TMC1: variants seen among roughly 807,000 people sequenced by gnomAD.
TMC1 encodes the protein transmembrane channel like 1, also known as transmembrane channel-like protein 1.
A neutral mutation model predicts 105.8 loss-of-function variants in TMC1; 84 were observed. The observed-to-expected ratio is 0.79, with a 90% CI of 0.67 to 0.95. The LOEUF (loss-of-function observed/expected upper bound fraction) is 0.95, where lower values mean the gene tolerates loss of function less well. Among genes scored for constraint, TMC1 ranks in the 40% least tolerant of loss-of-function variants. The pLI is 0.00. For synonymous variants in TMC1, 315 were observed against 311.5 expected, an observed-to-expected ratio of 1.01 and a Z score of -0.12; for missense variants, 817 against 914.1, an observed-to-expected ratio of 0.89 and a Z score of 1.37.
At chr9:72,539,090 T>G (rs1296699441) in intron 1 of TMC1, among the ~76,000 whole-genome samples, 1 of 106,626 alleles carries the variant, frequency 9.4e-6, no homozygotes, top group African/African-American at 4.8e-5. Context: ...GCTTAGAAAT[T>G]TCTTCTGCTG....
chr9:72,654,910 C>A (rs139681675), intron 5 of TMC1, among the ~76,000 whole-genome samples: 1 of 151,938 alleles, frequency 6.6e-6, no homozygotes, highest in East Asian at 1.9e-4. Context: ...ATTATCTGAA[C>A]TTCTGTATGT....
At chr9:72,819,893 G>T (rs1239424777) in intron 19 of TMC1, among the ~76,000 whole-genome samples, 1 of 152,084 alleles carries the variant, frequency 6.6e-6, no homozygotes, top group Non-Finnish European at 1.5e-5. Flanking sequence ...ATAATAAATT[G>T]CTATTTATAT....
intron 20 of TMC1, among the ~76,000 whole-genome samples, chr9:72,822,883 C>T (rs1370408253): frequency 2.0e-5 from 3 of 152,154 alleles, no homozygotes; most frequent in Non-Finnish European, 2.9e-5. Context: ...ATTTACAATA[C>T]GTCTTAGACA....
chr9:72,557,001 TG>T (rs1823952869), intron 1 of TMC1, among the ~76,000 whole-genome samples: 1 of 152,156 alleles, frequency 6.6e-6, no homozygotes, highest in African/African-American at 2.4e-5. Context: ...CATCCTGCAG[TG>T]CACAGGACAG....
chr9:72,620,145 T>A (rs1564449307), intron 3 of TMC1, among the ~76,000 whole-genome samples: 2 of 152,098 alleles, frequency 1.3e-5, no homozygotes, highest in Non-Finnish European at 2.9e-5. Flanking sequence ...ATTTAAAAAA[T>A]TTTTAAGTCA....
chr9:72,544,030 C>A (rs1391783896), intron 1 of TMC1, among the ~76,000 whole-genome samples: 1 of 148,608 alleles, frequency 6.7e-6, no homozygotes, highest in Non-Finnish European at 1.5e-5. Flanking sequence ...TGGCTCACTG[C>A]AACCTCTGCC....
At chr9:72,615,753 A>ATT (rs35200835) in intron 2 of TMC1, among the ~76,000 whole-genome samples, 376 of 139,120 alleles carry the variant, frequency 2.7e-3, no homozygotes, top group African/African-American at 7.7e-3. Context: ...CACCTTTCTT[A>ATT]TTTTTTTTTT....
In TMC1 at chr9:72,801,439, C is replaced by T. The variant is rs1358487682; in HGVS notation, c.1567-3943C>T. ...TCAAGATCTCTGAGAAAGTCAATGA[C>T]AGGAGCCCCAGTTCAGCCTACATAG... is the stretch of plus-strand genomic sequence containing the variant. On this transcript the variant is annotated intron_variant, in intron 17 of 23. Transcript: ENST00000297784. Among the ~76,000 whole-genome samples the T allele has an allele frequency of 2.6e-5, 4 of 152,294 alleles. No homozygotes were observed. The East Asian group carries it at 7.7e-4, about 29-fold the overall frequency.
intron 21 of TMC1, among the ~76,000 whole-genome samples, chr9:72,827,527 G>C (rs2118321214): frequency 6.6e-6 from 1 of 152,324 alleles, no homozygotes; most frequent in South Asian, 2.1e-4. Context: ...TAGAATCAGA[G>C]GACCAGAGGA....
chr9:72,731,090 T>C (rs1360908856), intron 8 of TMC1, among the ~76,000 whole-genome samples: 1 of 152,270 alleles, frequency 6.6e-6, no homozygotes, highest in African/African-American at 2.4e-5. Context: ...AATTCACATC[T>C]ATGCCAGGTG....
chr9:72,682,128 T>G (rs1260892503), intron 5 of TMC1, among the ~76,000 whole-genome samples: 2 of 152,168 alleles, frequency 1.3e-5, no homozygotes, highest in African/African-American at 2.4e-5. Flanking sequence ...AAAATAACTA[T>G]TTAGTATCTC....
chr9:72,755,823 A>C (rs1487584939), intron 12 of TMC1, among the ~76,000 whole-genome samples: 1 of 152,234 alleles, frequency 6.6e-6, no homozygotes, highest in East Asian at 1.9e-4. Context: ...TATATCTCAC[A>C]AACATTTTGA....
intron 11 of TMC1, 90 bp downstream of exon 11, chr9:72,752,046 T>C (rs773823438): frequency 4.7e-5 from 43 of 922,460 alleles, no homozygotes; most frequent in Non-Finnish European, 7.1e-5. Flanking sequence ...AATAATTAAC[T>C]GGCTATTTTC....
At chr9:72,744,285 A>G (rs866573701) in intron 10 of TMC1, among the ~76,000 whole-genome samples, 1 of 152,184 alleles carries the variant, frequency 6.6e-6, no homozygotes. Flanking sequence ...AATTCATTTT[A>G]TGTTCATTTC....
chr9:72,774,534 T>A (rs1433132987), intron 13 of TMC1, among the ~76,000 whole-genome samples: 3 of 152,094 alleles, frequency 2.0e-5, no homozygotes, highest in African/African-American at 7.2e-5. Context: ...GAGGAAGTAG[T>A]GGCTTTTTCA....
intron 12 of TMC1, among the ~76,000 whole-genome samples, chr9:72,758,500 G>A (rs1564535444): frequency 6.6e-6 from 1 of 152,200 alleles, no homozygotes; most frequent in African/African-American, 2.4e-5. Flanking sequence ...CAAATGAGAT[G>A]CTGTCTTGGT....
chr9:72,568,604 C>T (rs778715335), intron 1 of TMC1, among the ~76,000 whole-genome samples: 1 of 152,158 alleles, frequency 6.6e-6, no homozygotes, highest in Non-Finnish European at 1.5e-5. Context: ...ATCATGATTG[C>T]TTACCTTAAA....
chr9:72,830,404 G>T (rs1829020225), intron 21 of TMC1, 47 bp from the exon 22 acceptor site: 6 of 1,285,906 alleles, frequency 4.7e-6, no homozygotes, highest in Non-Finnish European at 6.8e-6. Flanking sequence ...AGTATCTTGG[G>T]GAACTGAAAT....
chr9:72,688,386 C>A (rs982628695), intron 5 of TMC1, among the ~76,000 whole-genome samples: 3 of 152,010 alleles, frequency 2.0e-5, no homozygotes, highest in African/African-American at 7.2e-5. Flanking sequence ...CGACAAACCC[C>A]AAGTCTACTT....
Sources: allele counts gnomAD v4.1 joint callset (sites outside exome capture counted in the v4.1 genomes callset), GRCh38; gene constraint gnomAD v4.1.1; transcripts MANE v1.5; gene names NCBI Gene and HGNC (gene_info 2026-07-23, HGNC 2026-07-21).